Variants in ZNF804B observed in about 807,000 individuals in gnomAD.
ZNF804B encodes the protein zinc finger protein 804B.
ZNF804B carries 80 observed loss-of-function variants against 101.4 expected under a neutral mutation model. That is an observed-to-expected ratio of 0.79 (90% confidence interval 0.66 to 0.95). ZNF804B has a LOEUF of 0.95. Ranked by LOEUF, ZNF804B falls within the 40% of genes least tolerant of loss-of-function variation. The pLI is 0.00. For synonymous variants in ZNF804B, 622 were observed against 558.8 expected (o/e 1.11, Z -1.59); for missense variants, 1,673 against 1,561.9 (o/e 1.07, Z -1.20).
intron 1 of ZNF804B, among the ~76,000 whole-genome samples, chr7:88,859,487 T>C (rs970127424): frequency 2.6e-5 from 4 of 152,284 alleles, no homozygotes; most frequent in Admixed American, 2.6e-4. Context: ...ATGTGAATCA[T>C]GATTCAGCAA....
Position 89,334,683 on chromosome 7 carries a change from T to G in ZNF804B, c.1701T>G (p.Thr567=). The change falls in exon 4 of 4, where the codon ACT becomes ACG. Residue 567 remains threonine (T), a synonymous_variant. Transcript: ENST00000333190. ...SDSEPNKSEY[T]FSANDLEMKN... is the part of the protein sequence containing the mutation. ...CTGAGCCAAATAAGAGTGAATATAC[T>G]TTCAGTGCAAATGATTTGGAAATGA... 1 of 1,613,734 alleles carries G rather than the reference T, an allele frequency of 6.2e-7. No individual in the cohort carries two copies. The highest frequency in any genetic ancestry group is 8.5e-7 in the Non-Finnish European group (1 of 1,179,820).
chr7:88,992,919 A>C (rs1036310891), intron 1 of ZNF804B, among the ~76,000 whole-genome samples: 1 of 152,030 alleles, frequency 6.6e-6, no homozygotes, highest in South Asian at 2.1e-4. Flanking sequence ...AGATTATTCT[A>C]GTGATAAAAT....
chr7:88,840,628 A>AT (rs1391749680), intron 1 of ZNF804B, among the ~76,000 whole-genome samples: 6 of 152,122 alleles, frequency 3.9e-5, no homozygotes, highest in South Asian at 2.1e-4. Context: ...CCATTAAACC[A>AT]TTTTCTATCA....
rs555621486 is a variant in ZNF804B, at chr7:89,060,014, A to G, written c.109-158141A>G. On this transcript the variant is annotated intron_variant, in intron 1 of 3. Coordinates refer to ENST00000333190, the MANE Select transcript of ZNF804B (RefSeq NM_181646.5). The stretch of plus-strand genomic sequence containing the variant: ...GACTCACTAGGCTTTGGACTCCAGG[A>G]CTTACACCAGTGGTAACCTGGGTCC... Among the ~76,000 whole-genome samples the G allele has an allele frequency of 1.4e-4, 22 of 152,234 alleles. No individual in the cohort carries two copies. The East Asian group carries it at 3.9e-3, about 27-fold the overall frequency.
intron 2 of ZNF804B, among the ~76,000 whole-genome samples, chr7:89,233,137 A>T (rs1384547217): frequency 6.6e-6 from 1 of 152,044 alleles, no homozygotes. Context: ...CGTGTTAGCC[A>T]GGATGGTCTC....
chr7:89,262,421 G>T (rs532403299), intron 2 of ZNF804B, among the ~76,000 whole-genome samples: 1 of 152,080 alleles, frequency 6.6e-6, no homozygotes, highest in East Asian at 1.9e-4. Context: ...CTATTTATTA[G>T]CTATATGACC....
At chr7:89,222,355 G>T (rs12704450) in intron 2 of ZNF804B, among the ~76,000 whole-genome samples, 1 of 151,606 alleles carries the variant, frequency 6.6e-6, no homozygotes, top group Non-Finnish European at 1.5e-5. Context: ...AATTATTGCT[G>T]AGGTCTTCAA....
At chr7:88,973,701 A>G (rs1013235353) in intron 1 of ZNF804B, among the ~76,000 whole-genome samples, 2 of 151,358 alleles carry the variant, frequency 1.3e-5, no homozygotes, top group African/African-American at 4.8e-5. Flanking sequence ...GGTGTATTTT[A>G]TTGAGTATTT....
At chr7:89,042,259 G>T (rs1002620466) in intron 1 of ZNF804B, among the ~76,000 whole-genome samples, 3 of 152,136 alleles carry the variant, frequency 2.0e-5, no homozygotes, top group Non-Finnish European at 4.4e-5. Context: ...GGATAATAAT[G>T]TAACAGTGTT....
At chr7:89,288,479 A>C (rs1790239567) in intron 2 of ZNF804B, among the ~76,000 whole-genome samples, 1 of 152,222 alleles carries the variant, frequency 6.6e-6, no homozygotes, top group African/African-American at 2.4e-5. Flanking sequence ...ACAGCTGACA[A>C]GATCTACGAA....
chr7:89,119,206 G>A (rs763336708), intron 1 of ZNF804B, among the ~76,000 whole-genome samples: 2 of 152,140 alleles, frequency 1.3e-5, no homozygotes, highest in Non-Finnish European at 2.9e-5. Flanking sequence ...TGCCCTTGCT[G>A]CATGTCAGGC....
In ZNF804B at chr7:88,854,651, C is replaced by T. The variant is rs550553670; in HGVS notation, c.108+94567C>T. Among the ~76,000 whole-genome samples the T allele has an allele frequency of 9.5e-4, 140 of 147,220 alleles. 2 individuals are homozygous for T. The highest frequency in any genetic ancestry group is 3.4e-3 in the African/African-American group (134 of 39,476). On this transcript the variant is annotated intron_variant, in intron 1 of 3. Transcript: ENST00000333190. Reference sequence around the variant, plus strand: ...TCAGTTTTTGGGTACATGTGCACAACGTGCAGGTTAGTTACATGTGTATAC... The same window carrying T: ...TCAGTTTTTGGGTACATGTGCACAATGTGCAGGTTAGTTACATGTGTATAC...
intron 1 of ZNF804B, among the ~76,000 whole-genome samples, chr7:89,151,055 TGTA>T (rs1290410429): frequency 6.6e-6 from 1 of 152,106 alleles, no homozygotes; most frequent in Non-Finnish European, 1.5e-5. Flanking sequence ...TTGCATATGA[TGTA>T]GTAGGTGCTT....
chr7:88,848,256 G>A (rs1298388867), intron 1 of ZNF804B, among the ~76,000 whole-genome samples: 1 of 152,200 alleles, frequency 6.6e-6, no homozygotes, highest in East Asian at 1.9e-4. Flanking sequence ...AAGCTTAGGT[G>A]ATAAAAAGAG....
At chr7:89,093,656 C>T (rs945811427) in intron 1 of ZNF804B, among the ~76,000 whole-genome samples, 3 of 152,202 alleles carry the variant, frequency 2.0e-5, no homozygotes, top group Non-Finnish European at 4.4e-5. Flanking sequence ...CATTGGTAAA[C>T]TCGACTCTGT....
chr7:89,131,625 A>G (rs749202875), intron 1 of ZNF804B, among the ~76,000 whole-genome samples: 11 of 152,032 alleles, frequency 7.2e-5, no homozygotes, highest in Non-Finnish European at 1.3e-4. Context: ...TTTAAGGAAA[A>G]TGTCAGAGGA....
chr7:89,068,017 A>T (rs1238870230), intron 1 of ZNF804B, among the ~76,000 whole-genome samples: 1 of 150,994 alleles, frequency 6.6e-6, no homozygotes, highest in Non-Finnish European at 1.5e-5. Context: ...AATATTTTTT[A>T]AAAGTTTAAA....
intron 1 of ZNF804B, among the ~76,000 whole-genome samples, chr7:89,142,202 C>T (rs565950974): frequency 4.5e-4 from 68 of 151,710 alleles, no homozygotes; most frequent in African/African-American, 1.5e-3. Flanking sequence ...AGGACTGAGA[C>T]GGAGCATTGT....
At chr7:89,093,205 T>C (rs1395693036) in intron 1 of ZNF804B, among the ~76,000 whole-genome samples, 2 of 152,204 alleles carry the variant, frequency 1.3e-5, no homozygotes, top group African/African-American at 2.4e-5. Flanking sequence ...AATTCTAGTA[T>C]ACATAAATGA....
Sources: gnomAD v4.1 joint callset for allele counts (sites outside exome capture counted in the v4.1 genomes callset) on GRCh38, gnomAD v4.1.1 for gene constraint, MANE v1.5 for transcripts, NCBI Gene and HGNC (gene_info 2026-07-23, HGNC 2026-07-21) for gene names.